The following RAD52 variants were observed in gnomAD, a reference collection of about 807,000 sequenced individuals.
The protein encoded by RAD52 is RAD52 DNA repair protein.
RAD52 carries 47 observed loss-of-function variants against 55.5 expected under a neutral mutation model. That is an observed-to-expected ratio of 0.85 (90% CI 0.67 to 1.08). RAD52 has a LOEUF of 1.08. Among genes scored for constraint, RAD52 ranks in the 50% least tolerant of loss-of-function variants. RAD52 has a pLI of 0.00. For synonymous variants in RAD52, 184 were observed against 198.9 expected, an observed-to-expected ratio of 0.92 and a Z score of 0.63; for missense variants, 468 against 522.8, an observed-to-expected ratio of 0.90 and a Z score of 1.02.
intron 9 of RAD52, 115 bp downstream of exon 9, chr12:916,229 C>A: frequency 6.7e-7 from 1 of 1,502,664 alleles, no homozygotes; most frequent in South Asian, 1.3e-5. Flanking sequence ...GAGAGAAGTC[C>A]CAGCGAGGCC....
chr12:986,430 T>C (rs1026605376), intron 1 of RAD52, among the ~76,000 whole-genome samples: 6 of 152,042 alleles, frequency 3.9e-5, no homozygotes, highest in African/African-American at 1.4e-4. Context: ...GGTACCATTA[T>C]AGTGCACTGC....
intron 1 of RAD52, among the ~76,000 whole-genome samples, chr12:955,778 GTTTT>G (rs918829399): frequency 6.7e-6 from 1 of 149,836 alleles, no homozygotes; most frequent in Admixed American, 6.7e-5. Flanking sequence ...GGGCATTTTT[GTTTT>G]TTTTGTTTTT....
At chr12:936,800 A>G (rs571640039) in intron 1 of RAD52, 42 of 152,376 alleles carry the variant, frequency 2.8e-4, no homozygotes, top group African/African-American at 9.6e-4. Flanking sequence ...CATTAGGCAT[A>G]TCTTACACAG....
chr12:941,184 A>G (rs1350707791), intron 1 of RAD52, among the ~76,000 whole-genome samples: 4 of 152,250 alleles, frequency 2.6e-5, no homozygotes, highest in Non-Finnish European at 5.9e-5. Context: ...AGAGAATGAT[A>G]ACACATTACA....
chr12:950,640 T>A (rs1958505072), upstream of RAD52, among the ~76,000 whole-genome samples: 1 of 150,664 alleles, frequency 6.6e-6, no homozygotes, highest in Non-Finnish European at 1.5e-5. Context: ...CTTGAACTCC[T>A]CGCCTCAAGT....
Position 914,217 on chromosome 12 carries a change from A to C in RAD52, c.968-96T>G, listed in dbSNP as rs1956237985. The C allele has an allele frequency of 8.3e-6, 11 of 1,319,844 alleles. No individual in the cohort carries two copies. In the South Asian group the frequency reaches 1.5e-4, roughly 18 times the overall value. The allele number at this position is 1,319,844 out of a possible 1,614,324, so 81.8% of individuals were successfully genotyped here. A position where few individuals can be genotyped will look rare whatever the true frequency, so the allele number is the denominator to read the frequency against. On this transcript the variant is annotated intron_variant, in intron 10 of 11. Coordinates refer to ENST00000358495, the MANE Select transcript of RAD52 (RefSeq NM_134424.4). ...TGGCCCTCAGAAATTCCATGTCTTCAGTACCTTCTGAAAGTTTTTGGAATT... is the reference window on the plus strand; with the variant it reads ...TGGCCCTCAGAAATTCCATGTCTTCCGTACCTTCTGAAAGTTTTTGGAATT...
chr12:914,268 C>A, intron 10 of RAD52, 147 bp from the exon 11 acceptor site: 1 of 1,299,326 alleles, frequency 7.7e-7, no homozygotes. Context: ...TAAAAGTACA[C>A]TTCCCTTTGG....
chr12:985,467 T>C (rs1202971043), intron 1 of RAD52, among the ~76,000 whole-genome samples: 1 of 152,210 alleles, frequency 6.6e-6, no homozygotes, highest in Non-Finnish European at 1.5e-5. Context: ...TTTTGTTACT[T>C]GTCCTTTGGT....
chr12:974,609 G>T (rs1007476959), intron 1 of RAD52: 1 of 152,192 alleles, frequency 6.6e-6, no homozygotes, highest in Non-Finnish European at 1.5e-5. Context: ...TCTCACTGAG[G>T]CCACTGTAAA....
intron 1 of RAD52, among the ~76,000 whole-genome samples, chr12:945,886 G>A (rs1047112216): frequency 6.6e-6 from 1 of 151,840 alleles, no homozygotes; most frequent in Non-Finnish European, 1.5e-5. Flanking sequence ...AGCTGGGCAC[G>A]GTGGCGGGTA....
chr12:953,775 G>T (rs1422313614), upstream of RAD52, among the ~76,000 whole-genome samples: 2 of 152,146 alleles, frequency 1.3e-5, no homozygotes, highest in African/African-American at 4.8e-5. Context: ...TTCCCATGGT[G>T]TACATCCACC....
intron 1 of RAD52, among the ~76,000 whole-genome samples, chr12:946,286 A>G (rs11064607): frequency 0.44 from 67,610 of 151,964 alleles, 15,117 homozygotes; most frequent in Admixed American, 0.47. Context: ...GCAGAGATGG[A>G]AAAATATCCA....
chr12:972,390 T>C (rs1047852499), intron 1 of RAD52, among the ~76,000 whole-genome samples: 5 of 152,004 alleles, frequency 3.3e-5, no homozygotes. Flanking sequence ...CAGGGAAGGC[T>C]CAGGCATGGT....
intron 1 of RAD52, among the ~76,000 whole-genome samples, chr12:984,031 T>C (rs941239491): frequency 3.3e-5 from 5 of 152,198 alleles, no homozygotes; most frequent in Non-Finnish European, 7.3e-5. Context: ...TATTTTTCAG[T>C]GTATAGTTCT....
chr12:927,002 ACCAGGG>A lies in RAD52; in HGVS notation c.467+137_467+142del, dbSNP rs1957072065. 3.2e-6 allele frequency: 5 copies of A among 1,561,700 alleles called. No homozygotes were observed. The South Asian group carries it at 5.6e-5, about 17-fold the overall frequency. ...GAAAGTGGGAAAACGGCAGACAGGA[ACCAGGG>A]CAGGGGTGAGAATTACCTTCCACGC... is the stretch of plus-strand genomic sequence containing the variant. On this transcript the variant is annotated intron_variant, in intron 6 of 11. Coordinates refer to ENST00000358495, the MANE Select transcript of RAD52 (RefSeq NM_134424.4).
intron 6 of RAD52, among the ~76,000 whole-genome samples, chr12:926,314 G>A (rs1329855576): frequency 6.8e-6 from 1 of 146,082 alleles, no homozygotes; most frequent in East Asian, 2.0e-4. Context: ...GGCAACAAAG[G>A]GAGACCCTGT....
intron 1 of RAD52, among the ~76,000 whole-genome samples, chr12:960,151 T>C (rs1488442483): frequency 6.6e-6 from 1 of 152,146 alleles, no homozygotes; most frequent in Admixed American, 6.6e-5. Context: ...AATGCCCTGA[T>C]CTGAATAGAA....
chr12:933,599 C>G (rs553294662), intron 1 of RAD52, among the ~76,000 whole-genome samples: 35 of 152,116 alleles, frequency 2.3e-4, no homozygotes, highest in African/African-American at 8.2e-4. Flanking sequence ...AGGTCTACTT[C>G]TACCTTTCTG....
At chr12:955,091 TA>T (rs1254514955) in intron 1 of RAD52, among the ~76,000 whole-genome samples, 1 of 152,294 alleles carries the variant, frequency 6.6e-6, no homozygotes, top group African/African-American at 2.4e-5. Flanking sequence ...AATTAGAATT[TA>T]AAGGTAAGTA....
Sources: allele counts gnomAD v4.1 joint callset (sites outside exome capture counted in the v4.1 genomes callset), GRCh38; gene constraint gnomAD v4.1.1; transcripts MANE v1.5; gene names NCBI Gene and HGNC (gene_info 2026-07-23, HGNC 2026-07-21).